NKAIN2: variants seen among roughly 807,000 people sequenced by gnomAD.
The protein encoded by NKAIN2 is sodium/potassium-transporting ATPase subunit beta-1-interacting protein 2.
A neutral mutation model predicts 32.6 loss-of-function variants in NKAIN2; 14 were observed. The ratio of observed to expected loss-of-function variants is 0.43; its 90% CI spans 0.28 to 0.67. The LOEUF is 0.67. NKAIN2 is among the 30% of genes least tolerant of loss of function. NKAIN2 has a pLI of 0.17. For synonymous variants in NKAIN2, 80 were observed against 87.2 expected (o/e 0.92, Z 0.46); for missense variants, 198 against 258.3 (o/e 0.77, Z 1.60).
chr6:124,508,014 A>G (rs146654743), intron 3 of NKAIN2, among the ~76,000 whole-genome samples: 1 of 152,026 alleles, frequency 6.6e-6, no homozygotes, highest in African/African-American at 2.4e-5. Context: ...ACATTTTGGC[A>G]GGCCAAGGCA....
chr6:124,816,761 G>T (rs1194496016), intron 5 of NKAIN2, among the ~76,000 whole-genome samples: 2 of 152,138 alleles, frequency 1.3e-5, no homozygotes, highest in African/African-American at 4.8e-5. Flanking sequence ...TGCTAGGAAA[G>T]AAGTAATGGG....
rs150525239 is a variant in NKAIN2, at chr6:123,999,526, T to C, written c.54+195272T>C. ...AGCTCTCATCAGTTAAAATATGCAT[T>C]ATATTTATTTTACCTCTAAGAAAAG... On this transcript the variant is annotated intron_variant, in intron 1 of 6. Coordinates refer to ENST00000368417, the MANE Select transcript of NKAIN2 (RefSeq NM_001040214.3). Among the ~76,000 whole-genome samples the C allele has an allele frequency of 3.8e-3, 581 of 152,308 alleles. 6 individuals carry two copies. The highest frequency in any genetic ancestry group is 0.013 in the African/African-American group (556 of 41,574).
At chr6:124,038,030 C>T (rs555658380) in intron 1 of NKAIN2, among the ~76,000 whole-genome samples, 24 of 152,158 alleles carry the variant, frequency 1.6e-4, no homozygotes, top group Non-Finnish European at 3.1e-4. Flanking sequence ...ATATGAATTC[C>T]GTAAGTTGTC....
intron 2 of NKAIN2, among the ~76,000 whole-genome samples, chr6:124,345,531 A>G (rs542709364): frequency 2.0e-5 from 3 of 152,090 alleles, no homozygotes; most frequent in African/African-American, 7.2e-5. Context: ...TGGTCTATTC[A>G]GAGATTCAAC....
chr6:124,043,382 G>A (rs941988220), intron 1 of NKAIN2, among the ~76,000 whole-genome samples: 7 of 151,908 alleles, frequency 4.6e-5, no homozygotes, highest in Admixed American at 6.6e-5. Flanking sequence ...AATTTCTTAA[G>A]GATATTTATT....
chr6:124,493,294 T>G (rs1314307652), intron 3 of NKAIN2, among the ~76,000 whole-genome samples: 1 of 152,104 alleles, frequency 6.6e-6, no homozygotes, highest in East Asian at 1.9e-4. Context: ...GTCAGTGAAA[T>G]TGACAACTTT....
Position 124,481,470 on chromosome 6 carries a change from A to G in NKAIN2, c.273+126123A>G, listed in dbSNP as rs554074524. Among the ~76,000 whole-genome samples the G allele has an allele frequency of 3.6e-3, 551 of 152,152 alleles. 2 individuals are homozygous for G. The highest frequency in any genetic ancestry group is 6.8e-3 in the Middle Eastern group (2 of 294). ...AAGAGTAGTTAAATCACTGTCTGTC[A>G]TTATCAATAGAAAAAAAATGTGATT... On this transcript the variant is annotated intron_variant, in intron 3 of 6. Coordinates refer to ENST00000368417, the MANE Select transcript of NKAIN2 (RefSeq NM_001040214.3).
chr6:124,647,964 A>G lies in NKAIN2; in HGVS notation c.274-10222A>G, dbSNP rs888833283. The stretch of plus-strand genomic sequence containing the variant: ...GAAATGTTAAAGAGAAATTATACCA[A>G]TACTTGTTAAGAATGGCAAGATGGA... On this transcript the variant is annotated intron_variant, in intron 3 of 6. Coordinates refer to ENST00000368417, the MANE Select transcript of NKAIN2 (RefSeq NM_001040214.3). Among the ~76,000 whole-genome samples the G allele has an allele frequency of 4.6e-5, 7 of 152,352 alleles. No homozygotes were observed. In the East Asian group the frequency reaches 1.4e-3, roughly 29 times the overall value.
At chr6:123,892,843 C>T (rs1436976092) in intron 1 of NKAIN2, among the ~76,000 whole-genome samples, 1 of 151,614 alleles carries the variant, frequency 6.6e-6, no homozygotes, top group Non-Finnish European at 1.5e-5. Flanking sequence ...TTGTTCGGCA[C>T]TGTCCTAAGG....
intron 1 of NKAIN2, among the ~76,000 whole-genome samples, chr6:124,072,374 G>T (rs573409443): frequency 1.7e-4 from 26 of 152,172 alleles, no homozygotes; most frequent in Non-Finnish European, 2.4e-4. Flanking sequence ...CCCACTACCT[G>T]CATAAGAGAT....
At chr6:124,149,734 G>A (rs1344835037) in intron 1 of NKAIN2, among the ~76,000 whole-genome samples, 1 of 152,108 alleles carries the variant, frequency 6.6e-6, no homozygotes, top group Non-Finnish European at 1.5e-5. Context: ...TACATACCCC[G>A]ATTTTGTTCT....
intron 3 of NKAIN2, among the ~76,000 whole-genome samples, chr6:124,393,614 A>G (rs1433576272): frequency 6.6e-6 from 1 of 152,136 alleles, no homozygotes; most frequent in African/African-American, 2.4e-5. Flanking sequence ...AAAAGGATGA[A>G]TCATAATAAA....
intron 3 of NKAIN2, among the ~76,000 whole-genome samples, chr6:124,560,994 G>C (rs1461182626): frequency 6.6e-6 from 1 of 152,110 alleles, no homozygotes; most frequent in Non-Finnish European, 1.5e-5. Flanking sequence ...AGACCCAGAG[G>C]TGATAGAAAA....
At position 124,823,398 on chromosome 6, in the gene NKAIN2, ACGTGAGCACG is replaced by A; in HGVS notation, c.*171_*180del. The A allele has an allele frequency of 1.9e-6, 1 of 516,590 alleles. No homozygotes were observed. The highest frequency in any genetic ancestry group is 2.5e-5 in the South Asian group (1 of 40,222). 32.0% of individuals were successfully genotyped at this position (516,590 alleles called of 1,614,324 possible). ...AACACTGACACACACACACACACAC[ACGTGAGCACG>A]CACACACCAATTCCACTTGACCTCC... On this transcript the variant is annotated 3_prime_UTR_variant, in exon 7 of 7. Coordinates refer to ENST00000368417, the MANE Select transcript of NKAIN2 (RefSeq NM_001040214.3).
intron 3 of NKAIN2, among the ~76,000 whole-genome samples, chr6:124,410,784 A>G (rs1774130452): frequency 6.6e-6 from 1 of 152,142 alleles, no homozygotes; most frequent in African/African-American, 2.4e-5. Context: ...TCTAATGTTG[A>G]CAGTGGGGTG....
chr6:124,102,832 T>G (rs1012380426), intron 1 of NKAIN2, among the ~76,000 whole-genome samples: 1 of 152,224 alleles, frequency 6.6e-6, no homozygotes, highest in Non-Finnish European at 1.5e-5. Flanking sequence ...AATTCTTGTT[T>G]TTTTAAAACA....
At chr6:123,865,059 T>A (rs1775929411) in intron 1 of NKAIN2, among the ~76,000 whole-genome samples, 1 of 152,120 alleles carries the variant, frequency 6.6e-6, no homozygotes, top group African/African-American at 2.4e-5. Flanking sequence ...AGACCATTCT[T>A]TTAGTCTAGG....
intron 2 of NKAIN2, among the ~76,000 whole-genome samples, chr6:124,348,778 C>A (rs939154420): frequency 1.3e-5 from 2 of 152,194 alleles, no homozygotes; most frequent in African/African-American, 4.8e-5. Context: ...CTTGCATGAG[C>A]CGAAGCAGGG....
At chr6:123,932,342 A>G (rs1776286590) in intron 1 of NKAIN2, among the ~76,000 whole-genome samples, 2 of 151,706 alleles carry the variant, frequency 1.3e-5, no homozygotes, top group African/African-American at 2.4e-5. Context: ...TTACTCTTCA[A>G]TGACTCTGTT....
Sources: gnomAD v4.1 joint callset for allele counts (sites outside exome capture counted in the v4.1 genomes callset) on GRCh38, gnomAD v4.1.1 for gene constraint, MANE v1.5 for transcripts, NCBI Gene and HGNC (gene_info 2026-07-23, HGNC 2026-07-21) for gene names.